The following SPAG16 variants were observed in gnomAD, a reference collection of about 807,000 sequenced individuals.
The protein encoded by SPAG16 is sperm associated antigen 16.
Under a neutral mutation model 80.4 loss-of-function variants are expected in SPAG16, and 86 were observed. The ratio of observed to expected loss-of-function variants is 1.07; its 90% CI spans 0.90 to 1.28. The LOEUF (loss-of-function observed/expected upper bound fraction) is 1.28. SPAG16 is among the 50% of genes most tolerant of loss of function. SPAG16 has a pLI of 0.00. For missense variants in SPAG16, 870 were observed against 765.3 expected (o/e 1.14, Z -1.61); for synonymous variants, 294 against 265.9 (o/e 1.11, Z -1.03).
At chr2:214,096,655 A>G (rs2052611839) in intron 13 of SPAG16, among the ~76,000 whole-genome samples, 1 of 152,120 alleles carries the variant, frequency 6.6e-6, no homozygotes, top group Non-Finnish European at 1.5e-5. Flanking sequence ...ACCTAGAACA[A>G]AGAAATAAAA....
At chr2:214,096,606 T>G (rs539006558) in intron 13 of SPAG16, among the ~76,000 whole-genome samples, 29 of 152,230 alleles carry the variant, frequency 1.9e-4, no homozygotes, top group African/African-American at 6.5e-4. Flanking sequence ...TGAAAGCTTT[T>G]TCTCTTTCTG....
intron 5 of SPAG16, among the ~76,000 whole-genome samples, chr2:213,328,950 C>T (rs565386343): frequency 7.9e-5 from 12 of 152,086 alleles, no homozygotes; most frequent in Non-Finnish European, 1.5e-4. Flanking sequence ...ATAAGTCTCA[C>T]GAGATCTGAT....
intron 15 of SPAG16, among the ~76,000 whole-genome samples, chr2:214,373,841 G>C (rs112255552): frequency 6.6e-5 from 10 of 152,236 alleles, no homozygotes; most frequent in African/African-American, 2.4e-4. Flanking sequence ...ATAAATCATG[G>C]TTATATTTGA....
chr2:214,335,278 C>T (rs963120711), intron 15 of SPAG16, among the ~76,000 whole-genome samples: 30 of 152,234 alleles, frequency 2.0e-4, no homozygotes, highest in South Asian at 1.0e-3. Context: ...GTAGCCAATA[C>T]TCCTAGCAAC....
At chr2:214,154,463 A>C (rs967527138) in intron 15 of SPAG16, among the ~76,000 whole-genome samples, 6 of 151,928 alleles carry the variant, frequency 3.9e-5, no homozygotes, top group African/African-American at 7.3e-5. Context: ...AATGGGACGA[A>C]AATATGACTC....
At chr2:214,230,555 A>C (rs1424664614) in intron 15 of SPAG16, among the ~76,000 whole-genome samples, 2 of 152,058 alleles carry the variant, frequency 1.3e-5, no homozygotes, top group Non-Finnish European at 2.9e-5. Flanking sequence ...AAATTAGTTC[A>C]TAAATAATTG....
At chr2:213,899,347 G>A (rs57148252) in intron 11 of SPAG16, among the ~76,000 whole-genome samples, 5 of 152,102 alleles carry the variant, frequency 3.3e-5, no homozygotes, top group African/African-American at 1.2e-4. Flanking sequence ...TTATATAGAA[G>A]AAAAACATAT....
chr2:214,318,010 G>GTGAT (rs1159179160), intron 15 of SPAG16, among the ~76,000 whole-genome samples: 1 of 152,202 alleles, frequency 6.6e-6, no homozygotes, highest in Non-Finnish European at 1.5e-5. Flanking sequence ...AGGGAGGATG[G>GTGAT]TGATTGATTC....
chr2:213,729,969 C>G (rs1448092524), intron 10 of SPAG16, among the ~76,000 whole-genome samples: 3 of 152,212 alleles, frequency 2.0e-5, no homozygotes, highest in African/African-American at 7.2e-5. Flanking sequence ...AAATGAGCAA[C>G]TCTTTACGTG....
At chr2:214,191,727 G>GAAAAAAAAA (rs367694225) in intron 15 of SPAG16, among the ~76,000 whole-genome samples, 1 of 115,818 alleles carries the variant, frequency 8.6e-6, no homozygotes, top group Admixed American at 9.6e-5. Flanking sequence ...AAAAAAAAAA[G>GAAAAAAAAA]AAAAAAAAAA....
intron 12 of SPAG16, among the ~76,000 whole-genome samples, chr2:213,994,452 A>T (rs1232238855): frequency 6.6e-6 from 1 of 152,202 alleles, no homozygotes; most frequent in Non-Finnish European, 1.5e-5. Flanking sequence ...ATTCTGGTCA[A>T]CAGAATGATT....
chr2:214,383,918 C>A (rs1700603884), intron 15 of SPAG16, among the ~76,000 whole-genome samples: 1 of 36,172 alleles, frequency 2.8e-5, no homozygotes, highest in African/African-American at 8.9e-5. Flanking sequence ...ATGGACATGG[C>A]AAACCTTTAA....
chr2:213,921,733 T>C (rs1395064540), intron 11 of SPAG16, among the ~76,000 whole-genome samples: 2 of 152,210 alleles, frequency 1.3e-5, no homozygotes. Context: ...CTGGTGGTAA[T>C]GAATTCATTC....
At chr2:214,375,079 T>A (rs908787499) in intron 15 of SPAG16, among the ~76,000 whole-genome samples, 9 of 152,140 alleles carry the variant, frequency 5.9e-5, no homozygotes, top group Admixed American at 3.3e-4. Flanking sequence ...ACAGGGTATC[T>A]CACCTTAATC....
intron 13 of SPAG16, among the ~76,000 whole-genome samples, chr2:214,028,735 T>A (rs1277520224): frequency 1.3e-5 from 2 of 152,026 alleles, no homozygotes; most frequent in Non-Finnish European, 2.9e-5. Context: ...CTATAGTATC[T>A]GTGAAAAAAA....
At chr2:213,966,326 C>T (rs1445502532) in intron 12 of SPAG16, among the ~76,000 whole-genome samples, 4 of 151,984 alleles carry the variant, frequency 2.6e-5, no homozygotes, top group Admixed American at 6.6e-5. Context: ...GGAGTATTCC[C>T]TTTGTATAAT....
chr2:213,636,378 T>C (rs1020226041), intron 10 of SPAG16, among the ~76,000 whole-genome samples: 14 of 152,162 alleles, frequency 9.2e-5, no homozygotes, highest in African/African-American at 3.4e-4. Flanking sequence ...TGAAGTTGGG[T>C]AATATTATGC....
At chr2:214,141,983 T>C (rs2055386608) in intron 14 of SPAG16, among the ~76,000 whole-genome samples, 1 of 152,180 alleles carries the variant, frequency 6.6e-6, no homozygotes, top group South Asian at 2.1e-4. Context: ...TGACTGTCTT[T>C]ACATTATCTT....
At chr2:213,358,970 A>G (rs1355143915) in intron 7 of SPAG16, among the ~76,000 whole-genome samples, 1 of 151,926 alleles carries the variant, frequency 6.6e-6, no homozygotes. Flanking sequence ...TTTGAAGTTT[A>G]TGCTATTTCT....
Sources: gnomAD v4.1 joint callset for allele counts (sites outside exome capture counted in the v4.1 genomes callset) on GRCh38, gnomAD v4.1.1 for gene constraint, MANE v1.5 for transcripts, NCBI Gene and HGNC (gene_info 2026-07-23, HGNC 2026-07-21) for gene names.